SLC41A3: variants seen among roughly 807,000 people sequenced by gnomAD.
SLC41A3 encodes SLC41A1-like 2.
In SLC41A3, 44 loss-of-function variants were observed where a neutral mutation model predicts 45.4. The ratio of observed to expected loss-of-function variants is 0.97; its 90% CI spans 0.76 to 1.25. The LOEUF is 1.25. SLC41A3 is among the 50% of genes most tolerant of loss of function. The pLI, the probability that SLC41A3 is intolerant of heterozygous loss-of-function variation, is 0.00. For synonymous variants in SLC41A3, 256 were observed against 252.4 expected (o/e 1.01, Z -0.13); for missense variants, 550 against 600.6 (o/e 0.92, Z 0.88).
At chr3:126,079,710 C>G (rs189949555) in intron 1 of SLC41A3, among the ~76,000 whole-genome samples, 136 of 152,324 alleles carry the variant, frequency 8.9e-4, no homozygotes, top group African/African-American at 3.2e-3. Context: ...CAATGTCATT[C>G]TTCACAGAAA....
chr3:126,084,428 A>G (rs1413246962), upstream of SLC41A3: 5 of 152,086 alleles, frequency 3.3e-5, no homozygotes, highest in Non-Finnish European at 7.4e-5. Context: ...TGCAGGTTTT[A>G]TTATGGAGCT....
chr3:126,059,291 A>AAAGAAAGAAAGAGAGAGAAAG (rs1943908127), intron 2 of SLC41A3, among the ~76,000 whole-genome samples: 2 of 121,312 alleles, frequency 1.6e-5, no homozygotes, highest in Admixed American at 8.0e-5. Context: ...AGAAAGAAAG[A>AAAGAAAGAAAGAGAGAGAAAG]AAGAAAGAAA....
intron 1 of SLC41A3, among the ~76,000 whole-genome samples, chr3:126,100,496 G>A (rs1408998381): frequency 1.3e-5 from 2 of 152,198 alleles, no homozygotes; most frequent in South Asian, 2.1e-4. Flanking sequence ...CTGCCCTGGT[G>A]AGCTGCTGGT....
intron 3 of SLC41A3, 36 bp downstream of exon 3, chr3:126,050,907 G>A (rs755138504): frequency 4.4e-6 from 7 of 1,592,516 alleles, no homozygotes; most frequent in South Asian, 3.4e-5. Context: ...CCTGCCTCAC[G>A]TTGTGGCCGC....
intron 10 of SLC41A3, among the ~76,000 whole-genome samples, chr3:126,007,761 C>G (rs939803959): frequency 1.3e-5 from 2 of 152,200 alleles, no homozygotes; most frequent in African/African-American, 4.8e-5. Context: ...TAATCCTACC[C>G]TTTAGGGTCA....
At chr3:126,100,079 G>C (rs1246352667) in intron 1 of SLC41A3, among the ~76,000 whole-genome samples, 1 of 152,138 alleles carries the variant, frequency 6.6e-6, no homozygotes, top group African/African-American at 2.4e-5. Flanking sequence ...TTCCCACAAA[G>C]AACAGGGAAC....
At chr3:126,029,279 G>A (rs1373202248) in intron 4 of SLC41A3, among the ~76,000 whole-genome samples, 4 of 152,164 alleles carry the variant, frequency 2.6e-5, no homozygotes, top group Non-Finnish European at 5.9e-5. Context: ...TGGATCACAG[G>A]GGTGGTTTCT....
At chr3:126,075,601 A>G (rs1280631530) in intron 1 of SLC41A3, among the ~76,000 whole-genome samples, 1 of 152,232 alleles carries the variant, frequency 6.6e-6, no homozygotes, top group African/African-American at 2.4e-5. Context: ...TTCAAAACTT[A>G]TTGTAAAACT....
intron 8 of SLC41A3, 132 bp from the exon 9 acceptor site, chr3:126,012,881 C>T (rs1939866751): frequency 1.5e-6 from 2 of 1,347,686 alleles, no homozygotes; most frequent in Non-Finnish European, 1.0e-6. Context: ...TTCCTTTCCT[C>T]CCACTTGACC....
chr3:126,074,653 T>C (rs1158709434), intron 1 of SLC41A3, among the ~76,000 whole-genome samples: 1 of 151,926 alleles, frequency 6.6e-6, no homozygotes, highest in Non-Finnish European at 1.5e-5. Context: ...TTTGTTGTTG[T>C]TTGGGTTTTT....
intron 1 of SLC41A3, among the ~76,000 whole-genome samples, chr3:126,072,652 GCTTATA>G (rs1559884106): frequency 6.6e-6 from 1 of 152,206 alleles, no homozygotes; most frequent in Non-Finnish European, 1.5e-5. Context: ...AAAAGGGAAT[GCTTATA>G]CACTGCTTGT....
At chr3:126,008,945 C>T in intron 9 of SLC41A3, 65 bp from the exon 10 acceptor site, 1 of 1,591,274 alleles carries the variant, frequency 6.3e-7, no homozygotes, top group Non-Finnish European at 8.6e-7. Context: ...ATGTGACAGT[C>T]CTCAGTGAGG....
At chr3:126,055,851 C>G (rs142125532) in intron 2 of SLC41A3, among the ~76,000 whole-genome samples, 5 of 152,196 alleles carry the variant, frequency 3.3e-5, no homozygotes, top group African/African-American at 1.2e-4. Context: ...AAACCTTGTC[C>G]TTTTTTACCA....
At chr3:126,051,787 T>C (rs1943354243) in intron 2 of SLC41A3, among the ~76,000 whole-genome samples, 1 of 152,168 alleles carries the variant, frequency 6.6e-6, no homozygotes, top group Admixed American at 6.5e-5. Context: ...GCTGCTGAGA[T>C]CTTTGACGCC....
rs1553742175 is a variant in SLC41A3, at chr3:126,063,955, C to CCCT, written c.273+3991_273+3992insAGG. On this transcript the variant is annotated intron_variant, in intron 2 of 10. Coordinates refer to ENST00000360370, the MANE Select transcript of SLC41A3 (RefSeq NM_017836.4). Reference sequence around the variant, plus strand: ...ACTGATTAAGCCAGATCCAACCCCCCCCCGGGGACACACACTCCCCATACC... The same window carrying CCCT: ...ACTGATTAAGCCAGATCCAACCCCCCCCTCCCGGGGACACACACTCCCCATACC... Among the ~76,000 whole-genome samples, 2 of 141,318 alleles carry CCCT rather than the reference C, an allele frequency of 1.4e-5. 1 individual carries two copies. The highest frequency in any genetic ancestry group is 5.1e-5 in the African/African-American group (2 of 39,164). 92.7% of individuals were successfully genotyped at this position (141,318 alleles called of 152,430 possible). A position where few individuals can be genotyped will look rare whatever the true frequency, so the allele number is the denominator to read the frequency against.
upstream of SLC41A3, among the ~76,000 whole-genome samples, chr3:126,085,011 A>T (rs994247261): frequency 2.0e-5 from 3 of 152,214 alleles, no homozygotes; most frequent in Non-Finnish European, 4.4e-5. Flanking sequence ...CGAATACTTC[A>T]TCTGCGTGAT....
upstream of SLC41A3, among the ~76,000 whole-genome samples, chr3:126,086,408 GTTTTTTTTTTTTT>G (rs57316346): frequency 4.7e-5 from 1 of 21,184 alleles, no homozygotes; most frequent in Admixed American, 6.2e-4. Flanking sequence ...TTGTTTTCTT[GTTTTTTTTTTTTT>G]TTTTTTTTTT....
intron 3 of SLC41A3, among the ~76,000 whole-genome samples, chr3:126,050,648 G>A (rs1325397742): frequency 2.6e-5 from 4 of 152,142 alleles, no homozygotes; most frequent in Admixed American, 1.3e-4. Flanking sequence ...AGGTGGATGC[G>A]GGTGGCAGGG....
chr3:126,022,881 G>C lies in SLC41A3; in HGVS notation c.650C>G (p.Pro217Arg), dbSNP rs766138078. Residue 217 changes from proline (P) to arginine (R), a missense_variant, in exon 6 of 11, where the codon CCA becomes CGA. Coordinates refer to ENST00000360370, the MANE Select transcript of SLC41A3 (RefSeq NM_017836.4). ...VIGARKLGVN[P>R]DNIATPIAAS... ...TGCAATGGGCGTGGCAATGTTGTCTGGGTTGACCCCGAGCTTTCGAGCACC... is the reference window on the plus strand; with the variant it reads ...TGCAATGGGCGTGGCAATGTTGTCTCGGTTGACCCCGAGCTTTCGAGCACC... 5 of 1,614,208 alleles carry C rather than the reference G, an allele frequency of 3.1e-6. No homozygotes were observed. Among genetic ancestry groups the C allele is most frequent in the Non-Finnish European group, 4.2e-6 (5 of 1,180,046 alleles).
Sources: allele counts gnomAD v4.1 joint callset (sites outside exome capture counted in the v4.1 genomes callset), GRCh38; gene constraint gnomAD v4.1.1; transcripts MANE v1.5; gene names NCBI Gene and HGNC (gene_info 2026-07-23, HGNC 2026-07-21).